The following IRAK1BP1 variants were observed in gnomAD, a reference collection of about 807,000 sequenced individuals.
The protein encoded by IRAK1BP1 is interleukin 1 receptor associated kinase 1 binding protein 1.
A neutral mutation model predicts 28.0 loss-of-function variants in IRAK1BP1; 24 were observed. The ratio of observed to expected loss-of-function variants is 0.86; its 90% confidence interval spans 0.62 to 1.20. The LOEUF is 1.20. Ranked by LOEUF, IRAK1BP1 falls within the 50% of genes most tolerant of loss-of-function variation. The probability of loss-of-function intolerance (pLI) is 0.00; values close to 1 mark genes in which losing one functional copy is unlikely to be tolerated. For synonymous variants in IRAK1BP1, 131 were observed against 116.3 expected (o/e 1.13, Z -0.81); for missense variants, 336 against 316.7 (o/e 1.06, Z -0.46).
rs983993938 is a variant in IRAK1BP1 at position 78,901,889 on chromosome 6, C to T, written c.*3555C>T. ...TAATTGTTGTTTTGTAATATTCCTTCTCAGGAATATGGGCTAAGGATATCT... is the reference window on the plus strand; with the variant it reads ...TAATTGTTGTTTTGTAATATTCCTTTTCAGGAATATGGGCTAAGGATATCT... On this transcript the variant is annotated 3_prime_UTR_variant, in exon 4 of 4. Transcript: ENST00000369940. 1 of 152,080 alleles carries T rather than the reference C, an allele frequency of 6.6e-6. No homozygotes were observed. The highest frequency in any genetic ancestry group is 2.4e-5 in the African/African-American group (1 of 41,394). 9.4% of individuals were successfully genotyped at this position (152,080 alleles called of 1,614,324 possible). A position where few individuals can be genotyped will look rare whatever the true frequency, so the allele number is the denominator to read the frequency against.
At chr6:78,877,117 T>A (rs1231374347) in intron 1 of IRAK1BP1, among the ~76,000 whole-genome samples, 2 of 152,132 alleles carry the variant, frequency 1.3e-5, no homozygotes, top group Admixed American at 6.5e-5. Context: ...AGGGACAGTT[T>A]GGTGATTGGC....
chr6:78,909,852 T>G (rs1772357716), intron 4 of IRAK1BP1, among the ~76,000 whole-genome samples: 1 of 152,176 alleles, frequency 6.6e-6, no homozygotes, highest in African/African-American at 2.4e-5. Context: ...TCTTTTCTTT[T>G]TTTGCTCACT....
At chr6:78,953,210 G>A in the IRAK1BP1 span, among the ~76,000 whole-genome samples, 2 of 152,166 alleles carry the variant, frequency 1.3e-5, no homozygotes, top group South Asian at 2.1e-4. Flanking sequence ...ATTCTTTGTT[G>A]TGAAAGGAAT....
the IRAK1BP1 span, among the ~76,000 whole-genome samples, chr6:78,960,195 T>C: frequency 6.6e-6 from 1 of 152,188 alleles, no homozygotes; most frequent in Non-Finnish European, 1.5e-5. Flanking sequence ...AGTCAAACCA[T>C]TGTAAGTCAA....
chr6:78,913,766 G>T (rs1772485797), intron 4 of IRAK1BP1, among the ~76,000 whole-genome samples: 1 of 152,100 alleles, frequency 6.6e-6, no homozygotes, highest in African/African-American at 2.4e-5. Context: ...TTCACTCCAG[G>T]AGTATTTCAA....
At chr6:78,946,593 T>C, downstream of IRAK1BP1, 2 of 1,423,756 alleles carry the variant, frequency 1.4e-6, no homozygotes, top group East Asian at 2.6e-5. Context: ...GGAACTTGCA[T>C]GTCAAATTAT....
chr6:78,927,199 G>C (rs370283028), intron 4 of IRAK1BP1, among the ~76,000 whole-genome samples: 2 of 151,844 alleles, frequency 1.3e-5, no homozygotes, highest in African/African-American at 4.8e-5. Context: ...CCACATCCTC[G>C]CCAACATTTG....
chr6:78,971,430 C>T, the IRAK1BP1 span, among the ~76,000 whole-genome samples: 1 of 152,172 alleles, frequency 6.6e-6, no homozygotes, highest in Admixed American at 6.5e-5. Context: ...AGTAGAAGAA[C>T]GTGTTTTAAA....
In IRAK1BP1 at chr6:78,893,282, GTGTGTATATA is replaced by G. The variant is rs1310853662; in HGVS notation, c.382-4541_382-4532del. Among the ~76,000 whole-genome samples the G allele has an allele frequency of 8.3e-3, 865 of 103,754 alleles. 5 individuals are homozygous for G. The highest frequency in any genetic ancestry group is 0.016 in the African/African-American group (509 of 31,070). The allele number at this position is 103,754 out of a possible 152,430, so 68.1% of individuals were successfully genotyped here. On this transcript the variant is annotated intron_variant, in intron 2 of 3. Coordinates refer to ENST00000369940, the MANE Select transcript of IRAK1BP1 (RefSeq NM_001010844.4). ...TTAAAACTAAAAGGTGTATATATAT[GTGTGTATATA>G]TGTGTGTGTGTGTGTGTGTGTGTAT...
Position 78,902,320 on chromosome 6 carries a change from G to A in IRAK1BP1, c.*3986G>A, listed in dbSNP as rs1412561846. 6.6e-6 allele frequency: 1 copy of A among 152,404 alleles called. No homozygotes were observed. The allele number at this position is 152,404 out of a possible 1,614,324, so 9.4% of individuals were successfully genotyped here. A position where few individuals can be genotyped will look rare whatever the true frequency, so the allele number is the denominator to read the frequency against. On this transcript the variant is annotated 3_prime_UTR_variant, in exon 4 of 4. Coordinates refer to ENST00000369940, the MANE Select transcript of IRAK1BP1 (RefSeq NM_001010844.4). ...ACCAGGCCTGGCTAATTTTTTATTAGTGATAAGGTCTTGCTATGTTGCCCA... is the reference window on the plus strand; with the variant it reads ...ACCAGGCCTGGCTAATTTTTTATTAATGATAAGGTCTTGCTATGTTGCCCA...
At chr6:78,976,038 T>C in the IRAK1BP1 span, among the ~76,000 whole-genome samples, 1 of 151,924 alleles carries the variant, frequency 6.6e-6, no homozygotes, top group Non-Finnish European at 1.5e-5. Flanking sequence ...AAAGTTCATA[T>C]GGAACCAAAA....
intron 4 of IRAK1BP1, among the ~76,000 whole-genome samples, chr6:78,925,724 A>G (rs1427207359): frequency 6.6e-6 from 1 of 152,200 alleles, no homozygotes; most frequent in African/African-American, 2.4e-5. Flanking sequence ...ATTCTGTCAT[A>G]AAGATATATG....
In IRAK1BP1 at chr6:78,916,767, G is replaced by A. The variant is rs1772571026; in HGVS notation, c.*67+13657G>A. Among the ~76,000 whole-genome samples the A allele has an allele frequency of 2.0e-5, 3 of 151,832 alleles. No homozygotes were observed. In the South Asian group the frequency reaches 6.2e-4, roughly 32 times the overall value. On this transcript the variant is annotated intron_variant and NMD_transcript_variant, in intron 4 of 4. Transcript: ENST00000606868. ...AGCCCAGGCAGATCTCCAGACATCA[G>A]AGCACTCTAAAACAATACAAAAAAA...
chr6:78,977,377 G>C, the IRAK1BP1 span, among the ~76,000 whole-genome samples: 6 of 152,036 alleles, frequency 3.9e-5, no homozygotes, highest in Non-Finnish European at 5.9e-5. Context: ...GGACTGTTGT[G>C]GGGTGGGGGA....
intron 4 of IRAK1BP1, among the ~76,000 whole-genome samples, chr6:78,942,158 T>C (rs1467400134): frequency 6.6e-6 from 1 of 152,182 alleles, no homozygotes; most frequent in Admixed American, 6.5e-5. Flanking sequence ...GCATTTTTGG[T>C]CACAGGTTGG....
At chr6:78,880,430 CA>C (rs1771185115) in intron 1 of IRAK1BP1, among the ~76,000 whole-genome samples, 1 of 152,116 alleles carries the variant, frequency 6.6e-6, no homozygotes, top group African/African-American at 2.4e-5. Flanking sequence ...TACCAAAAAG[CA>C]CAGTCCATGA....
chr6:78,941,111 C>T (rs1289236846), intron 4 of IRAK1BP1: 1 of 1,613,910 alleles, frequency 6.2e-7, no homozygotes, highest in Admixed American at 1.7e-5. Context: ...TACTTCATCT[C>T]TGATGGGATG....
chr6:78,967,348 A>C, the IRAK1BP1 span, among the ~76,000 whole-genome samples: 1 of 152,162 alleles, frequency 6.6e-6, no homozygotes, highest in Admixed American at 6.5e-5. Flanking sequence ...CCTCACACTA[A>C]ACATAAAGTT....
chr6:78,958,352 T>G, the IRAK1BP1 span: 7 of 621,474 alleles, frequency 1.1e-5, no homozygotes, highest in East Asian at 2.8e-5. Context: ...CTCTCCCAGC[T>G]GAGCTATTTT....
Sources: allele counts gnomAD v4.1 joint callset (sites outside exome capture counted in the v4.1 genomes callset), GRCh38; gene constraint gnomAD v4.1.1; transcripts MANE v1.5; gene names NCBI Gene and HGNC (gene_info 2026-07-23, HGNC 2026-07-21).